The following CCNK variants were observed in gnomAD, a reference collection of about 807,000 sequenced individuals.
The protein encoded by CCNK is cyclin K.
A neutral mutation model predicts 65.0 loss-of-function variants in CCNK; 9 were observed. The ratio of observed to expected loss-of-function variants is 0.14; its 90% CI spans 0.08 to 0.24. The LOEUF is 0.24. CCNK is among the 10% of genes least tolerant of loss of function. The pLI, the probability that CCNK is intolerant of heterozygous loss-of-function variation, is 1.00. For synonymous variants in CCNK, 279 were observed against 270.8 expected (o/e 1.03, Z -0.30); for missense variants, 474 against 720.0 (o/e 0.66, Z 3.91).
chr14:99,487,966 C>T (rs1896525896), intron 1 of CCNK, among the ~76,000 whole-genome samples: 1 of 152,106 alleles, frequency 6.6e-6, no homozygotes, highest in Non-Finnish European at 1.5e-5. Flanking sequence ...TGACTTTTTC[C>T]CCAACTTTTT....
intron 10 of CCNK, chr14:99,509,269 C>G (rs765051282): frequency 1.3e-5 from 2 of 152,338 alleles, no homozygotes; most frequent in Non-Finnish European, 2.9e-5. Context: ...GGAAAGGACA[C>G]TCATTCTGTG....
At chr14:99,488,792 A>T (rs1188122025) in intron 1 of CCNK, among the ~76,000 whole-genome samples, 1 of 152,182 alleles carries the variant, frequency 6.6e-6, no homozygotes, top group Non-Finnish European at 1.5e-5. Context: ...ATATGTATTA[A>T]TATTATGGAC....
intron 1 of CCNK, among the ~76,000 whole-genome samples, chr14:99,490,860 G>A (rs934093760): frequency 6.6e-6 from 1 of 151,318 alleles, no homozygotes; most frequent in Non-Finnish European, 1.5e-5. Context: ...CCCAGGAGGT[G>A]GAGCTTGCAG....
intron 8 of CCNK, chr14:99,503,331 C>T (rs1377962363): frequency 1.7e-6 from 1 of 602,266 alleles, no homozygotes; most frequent in East Asian, 2.8e-5. Flanking sequence ...GGACCGTTTC[C>T]TGCACCCAAG....
At chr14:99,484,556 T>C (rs773492839) in intron 1 of CCNK, among the ~76,000 whole-genome samples, 2 of 152,260 alleles carry the variant, frequency 1.3e-5, no homozygotes, top group Non-Finnish European at 2.9e-5. Context: ...CAAGGCTTAG[T>C]TTAAGGACCC....
chr14:99,503,098 CG>C, intron 8 of CCNK, 114 bp downstream of exon 8: 1 of 1,172,140 alleles, frequency 8.5e-7, no homozygotes. Flanking sequence ...AGGGGGTGTT[CG>C]CCGAAACTCG....
At chr14:99,503,223 A>C (rs1271385823) in intron 8 of CCNK, 4 of 675,726 alleles carry the variant, frequency 5.9e-6, no homozygotes, top group Non-Finnish European at 1.1e-5. Flanking sequence ...TGCCTGTTTC[A>C]TCCCTGCCAG....
At chr14:99,490,654 G>A (rs1056979442) in intron 1 of CCNK, among the ~76,000 whole-genome samples, 12 of 152,132 alleles carry the variant, frequency 7.9e-5, no homozygotes, top group Admixed American at 2.6e-4. Context: ...CTGGCTGGGC[G>A]CGGTGGCTCA....
intron 1 of CCNK, among the ~76,000 whole-genome samples, chr14:99,489,067 G>C (rs1395487769): frequency 2.6e-5 from 4 of 152,024 alleles, no homozygotes; most frequent in African/African-American, 9.7e-5. Context: ...AAAAAGTTAA[G>C]ATTTCAGAAT....
At chr14:99,493,885 A>G in intron 3 of CCNK, 1 of 257,390 alleles carries the variant, frequency 3.9e-6, no homozygotes, top group Admixed American at 5.0e-5. Context: ...ATTGAGACTC[A>G]ACAAAGACCA....
chr14:99,497,985 G>A (rs1358929426), intron 4 of CCNK, among the ~76,000 whole-genome samples: 3 of 152,172 alleles, frequency 2.0e-5, no homozygotes, highest in African/African-American at 7.2e-5. Flanking sequence ...GAGTAGTGGG[G>A]CCCTGTGTCC....
chr14:99,509,882 C>T (rs936441602), intron 10 of CCNK: 20 of 519,236 alleles, frequency 3.9e-5, no homozygotes, highest in Admixed American at 1.8e-4. Context: ...AAGGGGGCTT[C>T]GGGTGCTGCC....
chr14:99,506,875 T>TG, intron 9 of CCNK: 1 of 550,718 alleles, frequency 1.8e-6, no homozygotes, highest in Admixed American at 3.0e-5. Context: ...TCGCAGGTCT[T>TG]TTGGAGGGAG....
At chr14:99,501,222 C>G (rs1282524104) in intron 5 of CCNK, 134 bp from the exon 6 acceptor site, 7 of 668,066 alleles carry the variant, frequency 1.0e-5, no homozygotes. Context: ...ATCATTCATC[C>G]TTGTTTCCCA....
intron 4 of CCNK, among the ~76,000 whole-genome samples, chr14:99,499,105 T>G (rs1404395503): frequency 6.6e-6 from 1 of 152,236 alleles, no homozygotes; most frequent in Non-Finnish European, 1.5e-5. Flanking sequence ...AGTGGCACAG[T>G]CTCAGCTCAC....
In CCNK at chr14:99,502,854, C is replaced by T; in HGVS notation, c.881C>T (p.Ser294Phe). The change falls in exon 8 of 11, where the codon TCT becomes TTT. Residue 294 changes from serine to phenylalanine, a missense_variant. Ser to Phe is a radical substitution (Grantham distance 155). This residue lies in a region of CCNK where 229 missense variants were observed against 275.5 expected (regional missense o/e 0.83). Transcript: ENST00000389879. ...QVPQVQQSQPSQSSEPSQPQQ... is the reference protein window; with the variant it reads ...QVPQVQQSQPFQSSEPSQPQQ... ...CCGCAAGTACAGCAGTCACAGCCGT[C>T]TCAAAGCTCCGAACCATCCCAGCCC... The T allele has an allele frequency of 6.2e-7, 1 of 1,613,426 alleles. No individual in the cohort carries two copies. Among genetic ancestry groups the T allele is most frequent in the Non-Finnish European group, 8.5e-7 (1 of 1,179,602 alleles).
chr14:99,492,666 C>G lies in CCNK; in HGVS notation c.-12C>G. The G allele has an allele frequency of 6.3e-7, 1 of 1,593,332 alleles. No homozygotes were observed. ...AGAGAACCTTTTGGAAAGAACAAGC[C>G]TACTTCAATAAATGAAGGAGAATAA... is the stretch of plus-strand genomic sequence containing the variant. On this transcript the variant is annotated 5_prime_UTR_variant, in exon 2 of 11. Coordinates refer to ENST00000389879, the MANE Select transcript of CCNK (RefSeq NM_001099402.2).
At chr14:99,503,330 C>A in intron 8 of CCNK, 1 of 602,272 alleles carries the variant, frequency 1.7e-6, no homozygotes, top group Non-Finnish European at 3.0e-6. Flanking sequence ...TGGACCGTTT[C>A]CTGCACCCAA....
In CCNK at chr14:99,502,216, C is replaced by A. The variant is rs780225159; in HGVS notation, c.585C>A (p.Thr195=). The stretch of plus-strand genomic sequence containing the variant: ...TTTCTTGTTGAACTAGTCTCTGCAC[C>A]ACCTTGTCACTGCAGTGGGAACCAG... ...AWTFVNDSLC[T]TLSLQWEPEI... Residue 195 remains threonine, a synonymous_variant, in exon 7 of 11, where the codon ACC becomes ACA. Coordinates refer to ENST00000389879, the MANE Select transcript of CCNK (RefSeq NM_001099402.2). The A allele has an allele frequency of 1.3e-6, 2 of 1,591,428 alleles. No homozygotes were observed. The highest frequency in any genetic ancestry group is 2.3e-5 in the South Asian group (2 of 87,532).
Sources: allele counts gnomAD v4.1 joint callset (sites outside exome capture counted in the v4.1 genomes callset), GRCh38; gene constraint gnomAD v4.1.1; regional missense constraint gnomAD v4.1.1; transcripts MANE v1.5; gene names NCBI Gene and HGNC (gene_info 2026-07-23, HGNC 2026-07-21).